Variants in GRM5 observed in about 807,000 individuals in gnomAD.
GRM5 encodes the protein glutamate metabotropic receptor 5, also known as metabotropic glutamate receptor 5.
In GRM5, 19 loss-of-function variants were observed where a neutral mutation model predicts 83.1. That is an observed-to-expected ratio of 0.23 (90% CI 0.16 to 0.34). The LOEUF (loss-of-function observed/expected upper bound fraction) is 0.34. GRM5 is among the 10% of genes least tolerant of loss of function. GRM5 has a pLI of 1.00. For synonymous variants in GRM5, 675 were observed against 633.6 expected, an observed-to-expected ratio of 1.07 and a Z score of -0.98; for missense variants, 1,160 against 1,588.3, an observed-to-expected ratio of 0.73 and a Z score of 4.58.
chr11:88,511,506 A>G (rs964528728), intron 9 of GRM5, among the ~76,000 whole-genome samples: 3 of 151,964 alleles, frequency 2.0e-5, no homozygotes, highest in African/African-American at 7.3e-5. Context: ...ATTTCTTTCC[A>G]TGTAATCTAC....
At chr11:88,656,789 C>T (rs1258216954) in intron 3 of GRM5, among the ~76,000 whole-genome samples, 1 of 151,652 alleles carries the variant, frequency 6.6e-6, no homozygotes, top group African/African-American at 2.4e-5. Context: ...AATAATAATA[C>T]AAATAAAAAA....
At chr11:88,530,941 T>C (rs1941993697) in intron 8 of GRM5, among the ~76,000 whole-genome samples, 1 of 152,044 alleles carries the variant, frequency 6.6e-6, no homozygotes, top group African/African-American at 2.4e-5. Flanking sequence ...GAAAGAAGCT[T>C]GGTACTCATC....
chr11:88,969,706 G>A (rs1433674223), intron 2 of GRM5, among the ~76,000 whole-genome samples: 1 of 152,020 alleles, frequency 6.6e-6, no homozygotes, highest in Admixed American at 6.6e-5. Flanking sequence ...TTAGACATGA[G>A]ACCATCATTA....
At chr11:88,741,102 C>A (rs956554000) in intron 3 of GRM5, among the ~76,000 whole-genome samples, 26 of 151,874 alleles carry the variant, frequency 1.7e-4, no homozygotes, top group Non-Finnish European at 4.4e-5. Flanking sequence ...GGAAACTAGG[C>A]GGCAACCACA....
At chr11:88,597,799 C>G (rs1031558749) in intron 5 of GRM5, among the ~76,000 whole-genome samples, 6 of 152,192 alleles carry the variant, frequency 3.9e-5, no homozygotes, top group African/African-American at 1.4e-4. Context: ...CAGAGGGCCT[C>G]ATTTTACCTT....
chr11:88,826,480 T>C (rs1438456242), intron 3 of GRM5, among the ~76,000 whole-genome samples: 1 of 151,720 alleles, frequency 6.6e-6, no homozygotes, highest in African/African-American at 2.4e-5. Flanking sequence ...TATTTTTCTT[T>C]TATTTTGGAC....
chr11:88,778,628 T>G (rs1942910759), intron 3 of GRM5, among the ~76,000 whole-genome samples: 1 of 152,208 alleles, frequency 6.6e-6, no homozygotes, highest in Non-Finnish European at 1.5e-5. Context: ...TTAAAATACT[T>G]AAAACTATGA....
chr11:88,616,396 T>G (rs1233134594), intron 4 of GRM5, among the ~76,000 whole-genome samples: 2 of 137,806 alleles, frequency 1.5e-5, no homozygotes, highest in African/African-American at 6.3e-5. Flanking sequence ...AGTGTTTTTT[T>G]TTTTTTTTTT....
intron 2 of GRM5, among the ~76,000 whole-genome samples, chr11:88,968,019 G>A (rs935244310): frequency 6.6e-6 from 1 of 152,176 alleles, no homozygotes. Context: ...GAATTTGGAT[G>A]TGATGTCTAT....
chr11:88,955,855 T>C (rs1368227641), intron 2 of GRM5, among the ~76,000 whole-genome samples: 1 of 152,252 alleles, frequency 6.6e-6, no homozygotes, highest in Non-Finnish European at 1.5e-5. Flanking sequence ...TCTCACACTT[T>C]GCACAATAGA....
At chr11:88,918,133 T>G (rs1245146071) in intron 2 of GRM5, among the ~76,000 whole-genome samples, 2 of 151,782 alleles carry the variant, frequency 1.3e-5, no homozygotes, top group Admixed American at 6.6e-5. Context: ...GGCAGCAGAC[T>G]TAAAGTCTTG....
intron 1 of GRM5, among the ~76,000 whole-genome samples, chr11:89,061,864 T>G (rs1161044215): frequency 6.6e-6 from 1 of 152,234 alleles, no homozygotes; most frequent in African/African-American, 2.4e-5. Flanking sequence ...CATTCCCGTG[T>G]GATAGCACAA....
intron 3 of GRM5, among the ~76,000 whole-genome samples, chr11:88,802,769 T>C (rs939950130): frequency 1.3e-5 from 2 of 149,918 alleles, no homozygotes; most frequent in African/African-American, 5.0e-5. Context: ...ATGACATGAT[T>C]GTATATCTAG....
At chr11:88,839,071 T>G (rs1479624986) in intron 3 of GRM5, among the ~76,000 whole-genome samples, 1 of 152,222 alleles carries the variant, frequency 6.6e-6, no homozygotes, top group Admixed American at 6.5e-5. Context: ...CCACCTGGAC[T>G]TTAAATGCCA....
chr11:88,954,584 T>A (rs1296577513), intron 2 of GRM5, among the ~76,000 whole-genome samples: 2 of 152,234 alleles, frequency 1.3e-5, no homozygotes, highest in African/African-American at 2.4e-5. Context: ...AAATCTAAGC[T>A]GTTTGATACC....
chr11:88,720,336 C>T (rs1055950379), intron 3 of GRM5, among the ~76,000 whole-genome samples: 3 of 151,824 alleles, frequency 2.0e-5, no homozygotes, highest in Non-Finnish European at 2.9e-5. Context: ...TGACTGAGTG[C>T]AGATATGTTT....
intron 3 of GRM5, among the ~76,000 whole-genome samples, chr11:88,767,596 T>C (rs936085402): frequency 6.6e-6 from 1 of 152,022 alleles, no homozygotes; most frequent in African/African-American, 2.4e-5. Flanking sequence ...ATACTGCATG[T>C]TCTCACTTGC....
intron 2 of GRM5, among the ~76,000 whole-genome samples, chr11:88,862,863 C>G (rs1342207030): frequency 6.6e-6 from 1 of 151,998 alleles, no homozygotes; most frequent in Non-Finnish European, 1.5e-5. Context: ...TACAATCTAT[C>G]CATCTGACAA....
chr11:88,718,037 A>C (rs1941439190), intron 3 of GRM5, among the ~76,000 whole-genome samples: 1 of 151,982 alleles, frequency 6.6e-6, no homozygotes, highest in South Asian at 2.1e-4. Flanking sequence ...CTCATCATAG[A>C]AAATATTTTA....
Sources: gnomAD v4.1 joint callset for allele counts (sites outside exome capture counted in the v4.1 genomes callset) on GRCh38, gnomAD v4.1.1 for gene constraint, MANE v1.5 for transcripts, NCBI Gene and HGNC (gene_info 2026-07-23, HGNC 2026-07-21) for gene names.